RCHY1: variants seen among roughly 807,000 people sequenced by gnomAD.
The protein encoded by RCHY1 is ring finger and CHY zinc finger domain containing 1.
Under a neutral mutation model 41.6 loss-of-function variants are expected in RCHY1, and 21 were observed. The ratio of observed to expected loss-of-function variants is 0.51; its 90% confidence interval spans 0.36 to 0.73. RCHY1 has a LOEUF of 0.73. RCHY1 is among the 30% of genes least tolerant of loss of function. RCHY1 has a pLI of 0.00. For synonymous variants in RCHY1, 79 were observed against 102.9 expected (o/e 0.77, Z 1.41); for missense variants, 265 against 325.3 (o/e 0.81, Z 1.43).
At chr4:75,487,674 A>ATC (rs1455205178) in intron 8 of RCHY1, among the ~76,000 whole-genome samples, 7 of 94,628 alleles carry the variant, frequency 7.4e-5, no homozygotes, top group African/African-American at 3.3e-4. Context: ...ATTCATATAT[A>ATC]TTCATAATAT....
At chr4:75,483,400 T>C (rs553948606) in intron 8 of RCHY1, among the ~76,000 whole-genome samples, 1 of 152,150 alleles carries the variant, frequency 6.6e-6, no homozygotes, top group Non-Finnish European at 1.5e-5. Context: ...AAAAATATGA[T>C]CTAAATGGAG....
At chr4:75,488,272 T>A (rs1722434021) in intron 8 of RCHY1, among the ~76,000 whole-genome samples, 1 of 129,352 alleles carries the variant, frequency 7.7e-6, no homozygotes, top group African/African-American at 2.5e-5. Flanking sequence ...TTGTCAATCA[T>A]GTCTTTAACT....
At chr4:75,514,083 T>C in intron 1 of RCHY1, 114 bp downstream of exon 1, 1 of 1,488,574 alleles carries the variant, frequency 6.7e-7, no homozygotes, top group Non-Finnish European at 9.1e-7. Flanking sequence ...GTGGAAAAGG[T>C]ATCCTGAAAA....
At chr4:75,488,815 T>A (rs11730978) in intron 8 of RCHY1, among the ~76,000 whole-genome samples, 99,395 of 151,946 alleles carry the variant, frequency 0.65, 33,075 homozygotes, top group African/African-American at 0.78. Context: ...GGCTCATCAC[T>A]CCTATAATCC....
Position 75,498,644 on chromosome 4 carries a change from G to A in RCHY1, c.327-4465C>T, listed in dbSNP as rs550583336. 7.9e-5 allele frequency among the ~76,000 whole-genome samples: 12 copies of A among 152,020 alleles called. No individual in the cohort carries two copies. In the South Asian group the frequency reaches 1.0e-3, roughly 13 times the overall value. On this transcript the variant is annotated intron_variant, in intron 3 of 8. Transcript: ENST00000324439. Reference sequence around the variant, plus strand: ...TCCACATATAAATGTATGCATTTACGGCTAACTCATATTCAAGAAAGGTGC... The same window carrying A: ...TCCACATATAAATGTATGCATTTACAGCTAACTCATATTCAAGAAAGGTGC...
chr4:75,501,610 CAT>C (rs1288742834), intron 3 of RCHY1, among the ~76,000 whole-genome samples: 1 of 152,180 alleles, frequency 6.6e-6, no homozygotes, highest in Non-Finnish European at 1.5e-5. Flanking sequence ...ACGTGAGTCA[CAT>C]ATTACAATAC....
intron 3 of RCHY1, among the ~76,000 whole-genome samples, chr4:75,502,368 G>A (rs977776873): frequency 3.3e-5 from 5 of 151,600 alleles, no homozygotes; most frequent in African/African-American, 9.7e-5. Flanking sequence ...GTGAAACCCC[G>A]TCTCTACTAA....
At chr4:75,484,131 G>A (rs1721781991) in intron 8 of RCHY1, among the ~76,000 whole-genome samples, 1 of 152,100 alleles carries the variant, frequency 6.6e-6, no homozygotes, top group South Asian at 2.1e-4. Context: ...GTAAGGTTTT[G>A]CTTCAAACAG....
intron 8 of RCHY1, among the ~76,000 whole-genome samples, chr4:75,489,548 A>AAATATTGCAGATT (rs1553917982): frequency 2.0e-5 from 3 of 151,516 alleles, no homozygotes; most frequent in Non-Finnish European, 2.9e-5. Context: ...CCTTGGTCAA[A>AAATATTGCAGATT]GATATTGCAG....
chr4:75,487,634 T>TTCATAATATATATATTCATAATAC (rs1185431574), intron 8 of RCHY1, among the ~76,000 whole-genome samples: 1 of 37,212 alleles, frequency 2.7e-5, no homozygotes, highest in South Asian at 7.3e-4. Context: ...ATTCATAATA[T>TTCATAATATATATATTCATAATAC]ATATATTCAT....
intron 8 of RCHY1, among the ~76,000 whole-genome samples, chr4:75,487,571 T>TTC (rs1165779923): frequency 5.5e-5 from 5 of 90,532 alleles, no homozygotes; most frequent in Non-Finnish European, 9.5e-5. Flanking sequence ...TCATAATATA[T>TTC]ATATTCATAT....
chr4:75,508,317 A>G (rs1451113341), intron 3 of RCHY1, among the ~76,000 whole-genome samples: 1 of 152,174 alleles, frequency 6.6e-6, no homozygotes, highest in Non-Finnish European at 1.5e-5. Flanking sequence ...GAGATTTTTA[A>G]GAAAGAAAAT....
At position 75,514,365 on chromosome 4, in the gene RCHY1, C is replaced by G; in HGVS notation, c.-79G>C. 1.4e-6 allele frequency: 2 copies of G among 1,473,458 alleles called. No homozygotes were observed. The highest frequency in any genetic ancestry group is 1.8e-6 in the Non-Finnish European group (2 of 1,083,710). 91.3% of individuals were successfully genotyped at this position (1,473,458 alleles called of 1,614,324 possible). A position where few individuals can be genotyped will look rare whatever the true frequency, so the allele number is the denominator to read the frequency against. ...GCCCAGAGAAGCTGCGCCTCTCTAGCACACCCCTCCCAGCCCCAGCGGCCA... is the reference window on the plus strand; with the variant it reads ...GCCCAGAGAAGCTGCGCCTCTCTAGGACACCCCTCCCAGCCCCAGCGGCCA... On this transcript the variant is annotated 5_prime_UTR_variant, in exon 1 of 9. Coordinates refer to ENST00000324439, the MANE Select transcript of RCHY1 (RefSeq NM_015436.4).
At chr4:75,506,640 G>GA (rs564608513) in intron 3 of RCHY1, among the ~76,000 whole-genome samples, 12,296 of 144,318 alleles carry the variant, frequency 0.085, 866 homozygotes, top group African/African-American at 0.19. Context: ...AGAAATACAG[G>GA]AAAAAAAAAA....
intron 4 of RCHY1, among the ~76,000 whole-genome samples, chr4:75,492,209 C>T (rs1405485666): frequency 3.3e-5 from 5 of 151,864 alleles, no homozygotes; most frequent in African/African-American, 1.2e-4. Flanking sequence ...GAATTCAAGA[C>T]ACTTACCCAA....
chr4:75,495,281 G>C (rs570008980), intron 3 of RCHY1, among the ~76,000 whole-genome samples: 4 of 152,002 alleles, frequency 2.6e-5, no homozygotes, highest in African/African-American at 7.2e-5. Context: ...ATCATAAACA[G>C]ACTCTCCTAT....
chr4:75,511,570 T>C (rs959515516), intron 1 of RCHY1, among the ~76,000 whole-genome samples: 3 of 152,190 alleles, frequency 2.0e-5, no homozygotes, highest in Non-Finnish European at 2.9e-5. Flanking sequence ...TAATTTCAGT[T>C]TGCAGAAGTG....
intron 3 of RCHY1, among the ~76,000 whole-genome samples, chr4:75,506,347 G>C (rs1724305950): frequency 6.7e-6 from 1 of 150,060 alleles, no homozygotes; most frequent in African/African-American, 2.4e-5. Flanking sequence ...CACCAAGGGA[G>C]AAAAAACAGA....
At chr4:75,506,846 G>A (rs908566838) in intron 3 of RCHY1, among the ~76,000 whole-genome samples, 2 of 151,832 alleles carry the variant, frequency 1.3e-5, no homozygotes, top group Non-Finnish European at 2.9e-5. Flanking sequence ...CTGGACACAC[G>A]GAAAAAATAC....
Sources: allele counts gnomAD v4.1 joint callset (sites outside exome capture counted in the v4.1 genomes callset), GRCh38; gene constraint gnomAD v4.1.1; transcripts MANE v1.5; gene names NCBI Gene and HGNC (gene_info 2026-07-23, HGNC 2026-07-21).